ZCCHC14: variants seen among roughly 807,000 people sequenced by gnomAD.
ZCCHC14 encodes zinc finger CCHC domain-containing protein 14.
ZCCHC14 carries 16 observed loss-of-function variants against 85.0 expected under a neutral mutation model. The ratio of observed to expected loss-of-function variants is 0.19; its 90% confidence interval spans 0.13 to 0.29. The LOEUF (loss-of-function observed/expected upper bound fraction) is 0.29, where lower values mean the gene tolerates loss of function less well. ZCCHC14 is among the 10% of genes least tolerant of loss of function. The pLI is 1.00. For synonymous variants in ZCCHC14, 775 were observed against 630.7 expected, an observed-to-expected ratio of 1.23 and a Z score of -3.43; for missense variants, 1,303 against 1,443.5, an observed-to-expected ratio of 0.90 and a Z score of 1.58.
intron 2 of ZCCHC14, among the ~76,000 whole-genome samples, chr16:87,453,328 C>A (rs1195682646): frequency 6.6e-6 from 1 of 152,240 alleles, no homozygotes; most frequent in Non-Finnish European, 1.5e-5. Context: ...ATTTACAGAA[C>A]AAAACACCCC....
chr16:87,463,797 C>A (rs900990625), intron 1 of ZCCHC14, among the ~76,000 whole-genome samples: 5 of 152,264 alleles, frequency 3.3e-5, no homozygotes, highest in African/African-American at 1.2e-4. Context: ...TGCACTCCAT[C>A]CCGGGTGACA....
In ZCCHC14 at chr16:87,413,134, C is replaced by T. The variant is rs1235962989; in HGVS notation, c.1665G>A (p.Glu555=). 1.9e-6 allele frequency: 3 copies of T among 1,611,492 alleles called. No individual in the cohort carries two copies. The highest frequency in any genetic ancestry group is 2.5e-6 in the Non-Finnish European group (3 of 1,178,896). The part of the protein sequence containing the change: ...HQLPREGSSS[E]YSSSSSSPMG... ...TGGGGCTGGAGGAGGAGCTGGAGTA[C>T]TCCGAGGAACTGCCTTCCCGGGGCA... Residue 555 remains glutamate (E), a synonymous_variant, in exon 11 of 13, where the codon GAG becomes GAA. Coordinates refer to ENST00000671377, the MANE Select transcript of ZCCHC14 (RefSeq NM_015144.3).
intron 4 of ZCCHC14, among the ~76,000 whole-genome samples, chr16:87,423,069 T>G (rs759334050): frequency 6.6e-6 from 1 of 152,192 alleles, no homozygotes; most frequent in Non-Finnish European, 1.5e-5. Context: ...TTGGAGACAT[T>G]TACATATGTT....
intron 1 of ZCCHC14, among the ~76,000 whole-genome samples, chr16:87,480,472 A>T (rs1296001701): frequency 2.6e-5 from 4 of 152,210 alleles, no homozygotes; most frequent in Non-Finnish European, 5.9e-5. Flanking sequence ...ACTTCACTAG[A>T]ATCTCCAGCT....
chr16:87,478,279 CG>C (rs1567542890), intron 1 of ZCCHC14, among the ~76,000 whole-genome samples: 1 of 152,152 alleles, frequency 6.6e-6, no homozygotes, highest in African/African-American at 2.4e-5. Context: ...AATCACGCAA[CG>C]AAGGAAGCCA....
At position 87,406,603 on chromosome 16, in the gene ZCCHC14, G is replaced by C. The variant is rs990015566; in HGVS notation, c.*3677C>G. The C allele has an allele frequency of 6.6e-6, 1 of 152,290 alleles. No homozygotes were observed. Among genetic ancestry groups the C allele is most frequent in the Non-Finnish European group, 1.5e-5 (1 of 68,036 alleles). 9.4% of individuals were successfully genotyped at this position (152,290 alleles called of 1,614,324 possible). On this transcript the variant is annotated 3_prime_UTR_variant, in exon 13 of 13. Transcript: ENST00000671377. ...ACCAAAGCCTTCTCTTTTTGTGCAC[G>C]TAAGACTCACACATGTGATGAGGGC...
chr16:87,434,743 G>C (rs1237973869), intron 2 of ZCCHC14, among the ~76,000 whole-genome samples: 1 of 152,190 alleles, frequency 6.6e-6, no homozygotes, highest in African/African-American at 2.4e-5. Context: ...TGGTATCCCA[G>C]CACTTTGGGG....
intron 3 of ZCCHC14, 82 bp from the exon 4 acceptor site, chr16:87,423,963 CACA>C: frequency 6.8e-7 from 1 of 1,471,062 alleles, no homozygotes; most frequent in South Asian, 1.2e-5. Flanking sequence ...ACGACTGGGG[CACA>C]CGTTCAGTCG....
At chr16:87,488,050 T>C (rs1227449073) in intron 1 of ZCCHC14, among the ~76,000 whole-genome samples, 1 of 152,152 alleles carries the variant, frequency 6.6e-6, no homozygotes, top group African/African-American at 2.4e-5. Flanking sequence ...GCAGTGGTCG[T>C]GCTTGCACAG....
At chr16:87,470,645 A>G (rs1317825984) in intron 1 of ZCCHC14, 2 of 152,226 alleles carry the variant, frequency 1.3e-5, no homozygotes, top group Non-Finnish European at 2.9e-5. Flanking sequence ...GCTTGAGCAA[A>G]AAGAAAAACA....
At position 87,479,349 on chromosome 16, in the gene ZCCHC14, G is replaced by C. The variant is rs192591174; in HGVS notation, c.570+12320C>G. Among the ~76,000 whole-genome samples the C allele has an allele frequency of 8.6e-4, 130 of 151,398 alleles. 3 individuals carry two copies. In the Middle Eastern group the frequency reaches 0.01, roughly 12 times the overall value. On this transcript the variant is annotated intron_variant, in intron 1 of 12. Coordinates refer to ENST00000671377, the MANE Select transcript of ZCCHC14 (RefSeq NM_015144.3). ...GAGAGTCGCTTGAACCCGGGAGACA[G>C]AGGTTTGCAGTGAGCTGAGATCGCA...
chr16:87,429,896 C>A (rs538559927), intron 3 of ZCCHC14, among the ~76,000 whole-genome samples: 1 of 152,090 alleles, frequency 6.6e-6, no homozygotes, highest in Admixed American at 6.5e-5. Flanking sequence ...CGTGAGCCAC[C>A]GCGCCCAGCC....
chr16:87,464,050 T>C (rs952152959), intron 1 of ZCCHC14, among the ~76,000 whole-genome samples: 1 of 152,190 alleles, frequency 6.6e-6, no homozygotes, highest in South Asian at 2.1e-4. Context: ...CAAACCTTCC[T>C]GCCCCAAAAA....
At position 87,412,330 on chromosome 16, in the gene ZCCHC14, A is replaced by G; in HGVS notation, c.2391T>C (p.Asn797=). The change falls in exon 12 of 13, where the codon AAT becomes AAC. Residue 797 remains asparagine (N), a synonymous_variant. Coordinates refer to ENST00000671377, the MANE Select transcript of ZCCHC14 (RefSeq NM_015144.3). The stretch of plus-strand genomic sequence containing the variant: ...TTGCAGGGGGCACACTTATTTGCAC[A>G]TTATTAGGACAGGAAGTTTGCCCAG... ...AISGQTSCPN[N]VQISVPPAII... The G allele has an allele frequency of 6.2e-7, 1 of 1,614,112 alleles. No individual in the cohort carries two copies. The highest frequency in any genetic ancestry group is 8.5e-7 in the Non-Finnish European group (1 of 1,180,042).
chr16:87,482,439 C>T (rs149906671), intron 1 of ZCCHC14, among the ~76,000 whole-genome samples: 28 of 152,318 alleles, frequency 1.8e-4, no homozygotes, highest in African/African-American at 6.3e-4. Flanking sequence ...GCGAAGGCAG[C>T]GAGATCCCAG....
intron 3 of ZCCHC14, among the ~76,000 whole-genome samples, chr16:87,424,785 G>C (rs775135706): frequency 6.6e-6 from 1 of 152,170 alleles, no homozygotes; most frequent in African/African-American, 2.4e-5. Context: ...CTACAGGATT[G>C]AGATGGACAG....
intron 8 of ZCCHC14, 99 bp downstream of exon 8, chr16:87,417,361 T>C: frequency 6.6e-7 from 1 of 1,523,246 alleles, no homozygotes; most frequent in Non-Finnish European, 8.9e-7. Flanking sequence ...GCCTCCGTAC[T>C]TCATCCACCT....
chr16:87,416,328 G>A (rs867830649), intron 8 of ZCCHC14, among the ~76,000 whole-genome samples: 5 of 152,194 alleles, frequency 3.3e-5, no homozygotes, highest in Admixed American at 6.5e-5. Context: ...CTGGTGCTAC[G>A]CAAACACACC....
intron 3 of ZCCHC14, among the ~76,000 whole-genome samples, chr16:87,432,888 C>A (rs944099573): frequency 6.6e-6 from 1 of 152,178 alleles, no homozygotes; most frequent in Non-Finnish European, 1.5e-5. Flanking sequence ...ACCATTCACA[C>A]CTGAACTGAC....
Sources: allele counts gnomAD v4.1 joint callset (sites outside exome capture counted in the v4.1 genomes callset), GRCh38; gene constraint gnomAD v4.1.1; transcripts MANE v1.5; gene names NCBI Gene and HGNC (gene_info 2026-07-23, HGNC 2026-07-21).